MED16: variants seen among roughly 807,000 people sequenced by gnomAD.
MED16 encodes the protein mediator complex subunit 16.
MED16 carries 81 observed loss-of-function variants against 84.4 expected under a neutral mutation model. The ratio of observed to expected loss-of-function variants is 0.96; its 90% CI spans 0.80 to 1.15. The LOEUF (loss-of-function observed/expected upper bound fraction) is 1.15, where lower values mean the gene tolerates loss of function less well. MED16 is among the 50% of genes most tolerant of loss of function. MED16 has a pLI of 0.00. For synonymous variants in MED16, 897 were observed against 552.2 expected (o/e 1.62, Z -8.76); for missense variants, 1,585 against 1,245.9 (o/e 1.27, Z -4.10).
rs536213907 is a variant in MED16, at chr19:871,757, G to A, written c.2098+169C>T. On this transcript the variant is annotated intron_variant, in intron 12 of 15. Coordinates refer to ENST00000325464, the MANE Select transcript of MED16 (RefSeq NM_005481.3). ...CAGGCAGGACTTGTGTTTTGGTAGG[G>A]AGAGGGGAGCGGGGAGAGGGGAGAG... is the stretch of plus-strand genomic sequence containing the variant. The A allele has an allele frequency of 5.6e-5, 37 of 659,124 alleles. 1 individual carries two copies. The highest frequency in any genetic ancestry group is 3.7e-4 in the South Asian group (24 of 65,396). The allele number at this position is 659,124 out of a possible 1,614,324, so 40.8% of individuals were successfully genotyped here.
intron 10 of MED16, among the ~76,000 whole-genome samples, chr19:874,746 G>C (rs1229568135): frequency 6.6e-6 from 1 of 152,092 alleles, no homozygotes; most frequent in African/African-American, 2.4e-5. Context: ...GGTGGCACGT[G>C]TCTGTAATCC....
rs1411287295 is a variant in MED16, at chr19:875,342, G to T, written c.1673C>A (p.Ser558Tyr). 3.1e-6 allele frequency: 5 copies of T among 1,610,478 alleles called. No individual in the cohort carries two copies. Among genetic ancestry groups the T allele is most frequent in the Non-Finnish European group, 3.4e-6 (4 of 1,179,826 alleles). The change falls in exon 10 of 16, where the codon TCC becomes TAC. Residue 558 changes from serine to tyrosine, a missense_variant. Transcript: ENST00000325464. The stretch of plus-strand genomic sequence containing the variant: ...GGGGCGCAGCAGCGACTTCAGGGTG[G>T]AGCTGATGGCGATGAGGAAGAGCTT... ...HTKLFLIAIS[S>Y]TLKSLLRPHF... is the part of the protein sequence containing the mutation.
Position 881,618 on chromosome 19 carries a change from A to ATGGGCAGCT in MED16, c.1073_1081dup (p.Lys358_Pro360dup), listed in dbSNP as rs771616172. The ATGGGCAGCT allele has an allele frequency of 6.2e-7, 1 of 1,612,658 alleles. No homozygotes were observed. The highest frequency in any genetic ancestry group is 1.7e-5 in the Admixed American group (1 of 60,020). ...CTTGAGGTCGGTGTTGGTGAGCGAG[A>ATGGGCAGCT]TGGGCAGCTTGGGCAGCGCCACGGC... is the stretch of plus-strand genomic sequence containing the variant. On this transcript the variant is annotated inframe_insertion, in exon 7 of 16. Coordinates refer to ENST00000325464, the MANE Select transcript of MED16 (RefSeq NM_005481.3).
intron 13 of MED16, among the ~76,000 whole-genome samples, 160 bp downstream of exon 13, chr19:870,877 C>A (rs1790189175): frequency 4.3e-5 from 2 of 46,818 alleles, no homozygotes; most frequent in African/African-American, 1.8e-4. Context: ...CGTGTGGATT[C>A]GGGGGGTCCC....
At chr19:889,373 A>G (rs1239380553) in intron 4 of MED16, among the ~76,000 whole-genome samples, 2 of 152,158 alleles carry the variant, frequency 1.3e-5, no homozygotes, top group Non-Finnish European at 1.5e-5. Context: ...AAGAACGGCC[A>G]CCCTCAGTTA....
Position 877,895 on chromosome 19 carries a change from A to ACCAGCC in MED16, c.1354-721_1354-716dup, listed in dbSNP as rs2036294989. Reference sequence around the variant, plus strand: ...CGCCTTCCCCTGGTTGTCAATGCCCACCAGCCCCAGCCCCACGTGCCCCAG... The same window carrying ACCAGCC: ...CGCCTTCCCCTGGTTGTCAATGCCCACCAGCCCCAGCCCCAGCCCCACGTGCCCCAG... On this transcript the variant is annotated intron_variant, in intron 8 of 15. Coordinates refer to ENST00000325464, the MANE Select transcript of MED16 (RefSeq NM_005481.3). Among the ~76,000 whole-genome samples the ACCAGCC allele has an allele frequency of 6.0e-5, 8 of 132,662 alleles. No homozygotes were observed. The South Asian group carries it at 1.2e-3, about 21-fold the overall frequency. The allele number at this position is 132,662 out of a possible 152,430, so 87.0% of individuals were successfully genotyped here. A position where few individuals can be genotyped will look rare whatever the true frequency, so the allele number is the denominator to read the frequency against.
intron 12 of MED16, 83 bp from the exon 13 acceptor site, chr19:871,336 G>A (rs894709402): frequency 4.2e-6 from 6 of 1,412,234 alleles, no homozygotes; most frequent in East Asian, 2.5e-5. Context: ...AGCCCCTCCA[G>A]TTCAGGAGCA....
chr19:873,652 G>T (rs574003652), intron 10 of MED16, 70 bp from the exon 11 acceptor site: 1 of 1,574,846 alleles, frequency 6.3e-7, no homozygotes, highest in Non-Finnish European at 8.6e-7. Context: ...TGCACCCCTC[G>T]GTCCTTCGAC....
intron 10 of MED16, among the ~76,000 whole-genome samples, chr19:873,822 A>G (rs1275784403): frequency 6.6e-6 from 1 of 152,038 alleles, no homozygotes; most frequent in Non-Finnish European, 1.5e-5. Flanking sequence ...CTCGGCCTGC[A>G]GGCCTTGGCG....
At chr19:868,280 C>A in intron 15 of MED16, 29 bp from the exon 16 acceptor site, 1 of 1,588,844 alleles carries the variant, frequency 6.3e-7, no homozygotes. Context: ...TTAACCGCGC[C>A]GAGGAGAGTC....
chr19:886,309 T>C (rs2036526599), intron 4 of MED16, 108 bp from the exon 5 acceptor site: 3 of 991,252 alleles, frequency 3.0e-6, no homozygotes, highest in Non-Finnish European at 4.2e-6. Flanking sequence ...CAGGAGTGTG[T>C]GCACCTGGGT....
intron 7 of MED16, among the ~76,000 whole-genome samples, chr19:880,950 G>A (rs1011270729): frequency 4.6e-5 from 7 of 151,542 alleles, no homozygotes; most frequent in African/African-American, 7.3e-5. Context: ...AAAAAAAATA[G>A]AGCCTGGAAA....
intron 9 of MED16, 129 bp downstream of exon 9, chr19:876,845 C>T: frequency 1.2e-6 from 1 of 869,512 alleles, no homozygotes; most frequent in South Asian, 1.9e-5. Flanking sequence ...GCCACAGGGA[C>T]AGCCCCACCT....
In MED16 at chr19:868,890, G is replaced by A. The variant is rs1238367681; in HGVS notation, c.2372C>T (p.Pro791Leu). Residue 791 changes from proline to leucine, a missense_variant, in exon 14 of 16, where the codon CCC becomes CTC. Physicochemically the swap from Pro to Leu is moderately conservative, Grantham distance 98 (BLOSUM62 -3). Coordinates refer to ENST00000325464, the MANE Select transcript of MED16 (RefSeq NM_005481.3). ...GGTGCAGGCCTTGCATTCCTCCGTGGGGCAAGCGCCAAGGTGCAGCCTCCG... is the reference window on the plus strand; with the variant it reads ...GGTGCAGGCCTTGCATTCCTCCGTGAGGCAAGCGCCAAGGTGCAGCCTCCG... ...HLRRLHLGAC[P>L]TEECKACTRC... 2 of 1,551,788 alleles carry A rather than the reference G, an allele frequency of 1.3e-6. No homozygotes were observed. Among genetic ancestry groups the A allele is most frequent in the Admixed American group, 2.0e-5 (1 of 50,664 alleles).
intron 8 of MED16, 109 bp downstream of exon 8, chr19:879,828 C>G (rs916631985): frequency 1.0e-6 from 1 of 961,426 alleles, no homozygotes; most frequent in African/African-American, 2.1e-5. Context: ...AGGGCCAGCC[C>G]CACGTGCCCC....
rs1191206966 is a variant in MED16, at chr19:880,077, A to C, written c.1213T>G (p.Phe405Val). 1.2e-6 allele frequency: 2 copies of C among 1,610,914 alleles called. No individual in the cohort carries two copies. Among genetic ancestry groups the C allele is most frequent in the Admixed American group, 1.7e-5 (1 of 59,910 alleles). Residue 405 changes from phenylalanine to valine, a missense_variant, in exon 8 of 16, where the codon TTC (phenylalanine) becomes GTC (valine). By Grantham distance (50) the Phe-to-Val change is conservative. Transcript: ENST00000325464. ...GGCCTCGGGGCCGCGGAGCTGTAGA[A>C]GACGGCCATGGTCTGCAGTGAGAGC... ...HRLSLQTMAV[F>V]YSSAAPRPVD...
At chr19:881,337 A>G (rs1339612095) in intron 7 of MED16, among the ~76,000 whole-genome samples, 2 of 152,206 alleles carry the variant, frequency 1.3e-5, no homozygotes, top group African/African-American at 4.8e-5. Flanking sequence ...ATTAAAGAAC[A>G]CTGGATCTGT....
chr19:886,449 C>T (rs2036530123), intron 4 of MED16, among the ~76,000 whole-genome samples: 1 of 152,184 alleles, frequency 6.6e-6, no homozygotes, highest in Non-Finnish European at 1.5e-5. Flanking sequence ...AACGGGTGAA[C>T]GTGTGCGCAA....
At chr19:877,322 G>T in intron 8 of MED16, 142 bp from the exon 9 acceptor site, 1 of 729,006 alleles carries the variant, frequency 1.4e-6, no homozygotes, top group Non-Finnish European at 2.2e-6. Flanking sequence ...GCGCGCATGT[G>T]TCTGTAGCGT....
Sources: gnomAD v4.1 joint callset for allele counts (sites outside exome capture counted in the v4.1 genomes callset) on GRCh38, gnomAD v4.1.1 for gene constraint, MANE v1.5 for transcripts, NCBI Gene and HGNC (gene_info 2026-07-23, HGNC 2026-07-21) for gene names.